SLC4A10: variants seen among roughly 807,000 people sequenced by gnomAD.
SLC4A10 encodes solute carrier family 4 member 10.
A neutral mutation model predicts 137.7 loss-of-function variants in SLC4A10; 42 were observed. That is an observed-to-expected ratio of 0.30 (90% CI 0.24 to 0.39). The LOEUF (loss-of-function observed/expected upper bound fraction) is 0.39. SLC4A10 is among the 10% of genes least tolerant of loss of function. The pLI, the probability that SLC4A10 is intolerant of heterozygous loss-of-function variation, is 1.00. For synonymous variants in SLC4A10, 474 were observed against 464.1 expected (o/e 1.02, Z -0.27); for missense variants, 925 against 1,355.0 (o/e 0.68, Z 4.98).
At chr2:161,936,158 C>G (rs577083642) in intron 15 of SLC4A10, among the ~76,000 whole-genome samples, 1 of 151,998 alleles carries the variant, frequency 6.6e-6, no homozygotes, top group Non-Finnish European at 1.5e-5. Context: ...ATGAATTATT[C>G]TTTTACTGTG....
intron 1 of SLC4A10, among the ~76,000 whole-genome samples, chr2:161,762,208 C>T (rs530185404): frequency 6.6e-6 from 1 of 151,970 alleles, no homozygotes; most frequent in Non-Finnish European, 1.5e-5. Context: ...GTAGATGAAA[C>T]AGATTTAACT....
chr2:161,920,103 T>G (rs1178219401), intron 15 of SLC4A10, among the ~76,000 whole-genome samples: 1 of 152,200 alleles, frequency 6.6e-6, no homozygotes, highest in Non-Finnish European at 1.5e-5. Flanking sequence ...GCTTGCTCAC[T>G]TATGCACCCC....
intron 1 of SLC4A10, among the ~76,000 whole-genome samples, chr2:161,723,791 A>G (rs184202413): frequency 7.9e-4 from 120 of 152,312 alleles, no homozygotes; most frequent in African/African-American, 2.7e-3. Flanking sequence ...TTTTCAAAAA[A>G]CATTCCAAGT....
At position 161,879,160 on chromosome 2, in the gene SLC4A10, T is replaced by G; in HGVS notation, c.978T>G (p.Pro326=). Residue 326 remains proline, a synonymous_variant, in exon 9 of 27, where the codon CCT becomes CCG. Coordinates refer to ENST00000446997, the MANE Select transcript of SLC4A10 (RefSeq NM_001178015.2). ...EVDLHFMKKI[P]PGAEASNILV... is the part of the protein sequence containing the mutation. ...ATCTGCATTTTATGAAAAAGATTCC[T>G]CCAGGTGCTGAAGCATCGAACATCT... 1 of 1,613,396 alleles carries G rather than the reference T, an allele frequency of 6.2e-7. No individual in the cohort carries two copies.
intron 10 of SLC4A10, among the ~76,000 whole-genome samples, chr2:161,893,034 C>T (rs959342840): frequency 1.7e-4 from 26 of 152,060 alleles, no homozygotes; most frequent in African/African-American, 6.0e-4. Context: ...GAAGCTCTAG[C>T]TGGACCTGTG....
intron 3 of SLC4A10, among the ~76,000 whole-genome samples, chr2:161,817,400 G>A (rs1255118429): frequency 6.6e-6 from 1 of 152,098 alleles, no homozygotes; most frequent in Non-Finnish European, 1.5e-5. Context: ...AGATGAGTAG[G>A]TTGCGAAAAT....
intron 10 of SLC4A10, among the ~76,000 whole-genome samples, chr2:161,885,045 G>T (rs2062136047): frequency 6.6e-6 from 1 of 152,120 alleles, no homozygotes; most frequent in South Asian, 2.1e-4. Context: ...GGGTGTGGTG[G>T]CAGGTGCCTG....
intron 16 of SLC4A10, 73 bp downstream of exon 16, chr2:161,942,970 C>G (rs1209870671): frequency 8.0e-7 from 1 of 1,242,344 alleles, no homozygotes; most frequent in African/African-American, 1.5e-5. Context: ...ATTGCCATTA[C>G]AGTAAAATTT....
At chr2:161,878,231 A>G (rs2061553217) in intron 8 of SLC4A10, among the ~76,000 whole-genome samples, 1 of 152,176 alleles carries the variant, frequency 6.6e-6, no homozygotes, top group African/African-American at 2.4e-5. Context: ...ATCAATTACT[A>G]GAGCAGATAA....
At chr2:161,870,641 T>C (rs974814605) in intron 6 of SLC4A10, among the ~76,000 whole-genome samples, 1 of 151,800 alleles carries the variant, frequency 6.6e-6, no homozygotes, top group Non-Finnish European at 1.5e-5. Context: ...ATGTAAAAGA[T>C]TTTTTTAAAA....
chr2:161,866,841 ATATTAT>A (rs938503875), intron 6 of SLC4A10, among the ~76,000 whole-genome samples: 2 of 151,856 alleles, frequency 1.3e-5, no homozygotes, highest in Non-Finnish European at 2.9e-5. Context: ...CTATTATAAA[ATATTAT>A]TATCCTTATG....
chr2:161,780,714 G>C (rs1325219894), intron 2 of SLC4A10, among the ~76,000 whole-genome samples: 1 of 151,682 alleles, frequency 6.6e-6, no homozygotes, highest in South Asian at 2.1e-4. Flanking sequence ...CTCACTCTCA[G>C]GGAAAAATTA....
intron 1 of SLC4A10, among the ~76,000 whole-genome samples, chr2:161,704,431 A>C (rs1320809761): frequency 1.3e-5 from 2 of 151,710 alleles, no homozygotes; most frequent in Admixed American, 1.3e-4. Context: ...CAACATTAGA[A>C]ATATTGAAAT....
At chr2:161,944,767 G>C (rs1446480856) in intron 16 of SLC4A10, among the ~76,000 whole-genome samples, 1 of 151,452 alleles carries the variant, frequency 6.6e-6, no homozygotes, top group Non-Finnish European at 1.5e-5. Flanking sequence ...AAACAATCTT[G>C]TAATTTTTAA....
At chr2:161,693,876 T>A (rs2042239410) in intron 1 of SLC4A10, among the ~76,000 whole-genome samples, 1 of 151,958 alleles carries the variant, frequency 6.6e-6, no homozygotes, top group South Asian at 2.1e-4. Flanking sequence ...CGTACATCCA[T>A]GGATGCTTAG....
At chr2:161,880,857 T>C (rs2061720921) in intron 9 of SLC4A10, among the ~76,000 whole-genome samples, 1 of 152,038 alleles carries the variant, frequency 6.6e-6, no homozygotes, top group Non-Finnish European at 1.5e-5. Context: ...TTTACGACAA[T>C]GATAGTGCTT....
intron 21 of SLC4A10, 69 bp downstream of exon 21, chr2:161,958,624 G>A: frequency 8.6e-7 from 1 of 1,164,916 alleles, no homozygotes; most frequent in Non-Finnish European, 1.2e-6. Context: ...TAAGTCATGT[G>A]ACAGCTGAGA....
At chr2:161,957,369 A>G (rs1471087628) in intron 20 of SLC4A10, 129 bp downstream of exon 20, 3 of 1,101,230 alleles carry the variant, frequency 2.7e-6, no homozygotes, top group Non-Finnish European at 3.8e-6. Context: ...GAATTTCTGA[A>G]CCATGTTTAT....
chr2:161,643,103 GGTAATAT>G (rs2035535700), intron 1 of SLC4A10, among the ~76,000 whole-genome samples: 1 of 151,978 alleles, frequency 6.6e-6, no homozygotes, highest in South Asian at 2.1e-4. Flanking sequence ...CTGAGGCCAA[GGTAATAT>G]GTAATTCAAT....
Sources: allele counts gnomAD v4.1 joint callset (sites outside exome capture counted in the v4.1 genomes callset), GRCh38; gene constraint gnomAD v4.1.1; transcripts MANE v1.5; gene names NCBI Gene and HGNC (gene_info 2026-07-23, HGNC 2026-07-21).